NEGR1: variants seen among roughly 807,000 people sequenced by gnomAD.
The protein encoded by NEGR1 is neuronal growth regulator 1, also known as IgLON family member 4.
In NEGR1, 10 loss-of-function variants were observed where a neutral mutation model predicts 40.9. The ratio of observed to expected loss-of-function variants is 0.24; its 90% CI spans 0.15 to 0.42. NEGR1 has a LOEUF of 0.42. Ranked by LOEUF, NEGR1 falls within the 10% of genes least tolerant of loss-of-function variation. NEGR1 has a pLI of 1.00. For synonymous variants in NEGR1, 185 were observed against 166.8 expected (o/e 1.11, Z -0.84); for missense variants, 352 against 438.9 (o/e 0.80, Z 1.77).
At chr1:71,851,715 T>A (rs1294111988) in intron 2 of NEGR1, among the ~76,000 whole-genome samples, 1 of 152,138 alleles carries the variant, frequency 6.6e-6, no homozygotes, top group Non-Finnish European at 1.5e-5. Context: ...AACTGTAGCA[T>A]TTGAGTGGGA....
At chr1:71,837,291 C>A (rs1659072668) in intron 2 of NEGR1, among the ~76,000 whole-genome samples, 1 of 152,084 alleles carries the variant, frequency 6.6e-6, no homozygotes, top group Non-Finnish European at 1.5e-5. Context: ...CATCCTCGTT[C>A]CTAACAACTC....
intron 2 of NEGR1, among the ~76,000 whole-genome samples, chr1:71,861,153 T>C (rs934329324): frequency 6.6e-6 from 1 of 152,064 alleles, no homozygotes; most frequent in Non-Finnish European, 1.5e-5. Flanking sequence ...GCAGCCTGGA[T>C]TTGCATCACA....
At chr1:72,162,918 C>A (rs1007386946) in intron 1 of NEGR1, among the ~76,000 whole-genome samples, 6 of 151,982 alleles carry the variant, frequency 3.9e-5, no homozygotes, top group African/African-American at 1.4e-4. Context: ...ACAGAAATTT[C>A]TTGTTGCTTG....
intron 1 of NEGR1, among the ~76,000 whole-genome samples, chr1:72,091,415 C>A (rs1040636331): frequency 4.8e-5 from 6 of 123,770 alleles, no homozygotes; most frequent in Admixed American, 2.8e-4. Flanking sequence ...TCCCTTCCTT[C>A]TCTCCTTCCC....
intron 1 of NEGR1, among the ~76,000 whole-genome samples, chr1:72,133,371 G>A (rs1231865335): frequency 1.3e-5 from 2 of 152,010 alleles, no homozygotes; most frequent in Non-Finnish European, 2.9e-5. Context: ...GTAATGCAAT[G>A]GGAAATATGT....
At chr1:71,613,648 T>C (rs1241961003) in intron 4 of NEGR1, among the ~76,000 whole-genome samples, 3 of 144,542 alleles carry the variant, frequency 2.1e-5, no homozygotes, top group African/African-American at 7.8e-5. Context: ...AAAGCGAAAC[T>C]CCATCTCGAA....
rs1356321292 is a variant in NEGR1 at position 72,065,177 on chromosome 1, A to G, written c.177-129866T>C. On this transcript the variant is annotated intron_variant, in intron 1 of 6. Transcript: ENST00000357731. ...GCCATAAACAACTTTTCATTTTTTT[A>G]CTGGACATCTTTATTCATATGTATA... Among the ~76,000 whole-genome samples the G allele has an allele frequency of 2.0e-5, 3 of 152,102 alleles. No individual in the cohort carries two copies. The East Asian group carries it at 5.8e-4, about 29-fold the overall frequency.
At chr1:71,928,481 T>TATGTATATATACACAC (rs1645820831) in intron 2 of NEGR1, among the ~76,000 whole-genome samples, 1 of 143,798 alleles carries the variant, frequency 7.0e-6, no homozygotes, top group Non-Finnish European at 1.5e-5. Flanking sequence ...TATACACATA[T>TATGTATATATACACAC]ATATGTATAT....
intron 1 of NEGR1, among the ~76,000 whole-genome samples, chr1:72,216,715 A>C (rs1653833337): frequency 1.3e-5 from 2 of 151,148 alleles, no homozygotes; most frequent in South Asian, 4.1e-4. Context: ...TTTCTAAAGC[A>C]CTTCTGAATA....
intron 2 of NEGR1, among the ~76,000 whole-genome samples, chr1:71,898,915 A>T (rs1432764800): frequency 7.5e-6 from 1 of 133,938 alleles, no homozygotes; most frequent in Non-Finnish European, 1.6e-5. Flanking sequence ...ATATATTGCA[A>T]ATATATATTT....
intron 1 of NEGR1, among the ~76,000 whole-genome samples, chr1:72,216,898 T>C (rs1653840934): frequency 6.6e-6 from 1 of 151,386 alleles, no homozygotes; most frequent in Admixed American, 6.6e-5. Context: ...AACCAGACTT[T>C]CCTTTAGATA....
intron 2 of NEGR1, among the ~76,000 whole-genome samples, chr1:71,843,732 T>G (rs2101804822): frequency 6.6e-6 from 1 of 152,256 alleles, no homozygotes; most frequent in South Asian, 2.1e-4. Flanking sequence ...CTTATGAAAA[T>G]AAATTCTAGC....
chr1:71,631,232 T>G (rs1650959690), intron 4 of NEGR1, among the ~76,000 whole-genome samples: 2 of 151,568 alleles, frequency 1.3e-5, no homozygotes, highest in African/African-American at 4.9e-5. Flanking sequence ...TTCAAAAATA[T>G]TTAAGTAAAT....
chr1:72,103,869 C>T (rs977198869), intron 1 of NEGR1, among the ~76,000 whole-genome samples: 2 of 151,782 alleles, frequency 1.3e-5, no homozygotes, highest in African/African-American at 2.4e-5. Flanking sequence ...GTCTCTGGAT[C>T]GAGTAGATTA....
intron 5 of NEGR1, among the ~76,000 whole-genome samples, chr1:71,609,711 T>C (rs1307412373): frequency 6.6e-6 from 1 of 152,140 alleles, no homozygotes; most frequent in Non-Finnish European, 1.5e-5. Flanking sequence ...TCTAAGTCTT[T>C]ATATAATTTC....
intron 6 of NEGR1, among the ~76,000 whole-genome samples, chr1:71,419,160 C>T (rs1339409675): frequency 1.3e-5 from 2 of 152,114 alleles, no homozygotes; most frequent in Non-Finnish European, 2.9e-5. Flanking sequence ...TTATTTGTTC[C>T]AGTCACCCAC....
chr1:71,821,536 G>T (rs574529793), intron 2 of NEGR1, among the ~76,000 whole-genome samples: 1 of 152,110 alleles, frequency 6.6e-6, no homozygotes, highest in South Asian at 2.1e-4. Flanking sequence ...AACAAAATTT[G>T]AGTGAAACCA....
chr1:71,836,480 G>GTATATATATA (rs10668432), intron 2 of NEGR1, among the ~76,000 whole-genome samples: 54 of 144,530 alleles, frequency 3.7e-4, no homozygotes, highest in Non-Finnish European at 7.1e-4. Flanking sequence ...ATATATATGT[G>GTATATATATA]TATATATATA....
At chr1:71,454,531 A>C (rs1282483009) in intron 6 of NEGR1, among the ~76,000 whole-genome samples, 4 of 143,396 alleles carry the variant, frequency 2.8e-5, no homozygotes, top group Non-Finnish European at 6.1e-5. Flanking sequence ...TTTACAATTT[A>C]TCCAAATATC....
Sources: allele counts gnomAD v4.1 joint callset (sites outside exome capture counted in the v4.1 genomes callset), GRCh38; gene constraint gnomAD v4.1.1; transcripts MANE v1.5; gene names NCBI Gene and HGNC (gene_info 2026-07-23, HGNC 2026-07-21).